FHIT: variants seen among roughly 807,000 people sequenced by gnomAD.
The protein encoded by FHIT is fragile histidine triad diadenosine triphosphatase.
Under a neutral mutation model 17.9 loss-of-function variants are expected in FHIT, and 19 were observed. That is an observed-to-expected ratio of 1.06 (90% CI 0.74 to 1.56). The LOEUF (loss-of-function observed/expected upper bound fraction) is 1.56. FHIT is among the 40% of genes most tolerant of loss of function. The pLI, the probability that FHIT is intolerant of heterozygous loss-of-function variation, is 0.00. For synonymous variants in FHIT, 81 were observed against 69.7 expected (o/e 1.16, Z -0.81); for missense variants, 248 against 189.2 (o/e 1.31, Z -1.82).
chr3:60,053,468 C>T (rs191471226), intron 5 of FHIT, among the ~76,000 whole-genome samples: 1 of 150,930 alleles, frequency 6.6e-6, no homozygotes, highest in East Asian at 1.9e-4. Flanking sequence ...GCTTCCAAGA[C>T]ATGCATTTTG....
intron 7 of FHIT, among the ~76,000 whole-genome samples, chr3:59,952,813 G>A (rs1159443726): frequency 1.3e-5 from 2 of 152,090 alleles, no homozygotes; most frequent in Non-Finnish European, 2.9e-5. Context: ...GTGCAAAAAC[G>A]TCCTTATCCA....
chr3:60,345,276 T>C (rs1291957588), intron 5 of FHIT, among the ~76,000 whole-genome samples: 1 of 152,044 alleles, frequency 6.6e-6, no homozygotes, highest in Admixed American at 6.6e-5. Context: ...TCACAGTGAG[T>C]TCCAACACAG....
At chr3:60,088,553 T>G (rs1209081604) in intron 5 of FHIT, among the ~76,000 whole-genome samples, 2 of 152,186 alleles carry the variant, frequency 1.3e-5, no homozygotes, top group African/African-American at 2.4e-5. Context: ...TCTTGAGTCC[T>G]GACTTCTTCA....
At chr3:60,530,311 G>C (rs1295823105) in intron 5 of FHIT, among the ~76,000 whole-genome samples, 1 of 152,168 alleles carries the variant, frequency 6.6e-6, no homozygotes, top group South Asian at 2.1e-4. Flanking sequence ...AGACCAACAT[G>C]TACATGCCTC....
chr3:60,979,916 C>T (rs1710421588), intron 3 of FHIT, among the ~76,000 whole-genome samples: 1 of 152,198 alleles, frequency 6.6e-6, no homozygotes, highest in African/African-American at 2.4e-5. Context: ...CATGATATTG[C>T]CATGTTGTTG....
chr3:60,695,758 T>C (rs1553700492), intron 4 of FHIT, among the ~76,000 whole-genome samples: 1 of 152,228 alleles, frequency 6.6e-6, no homozygotes, highest in Admixed American at 6.5e-5. Context: ...GCTCTGCCAT[T>C]GACAAGCTGT....
chr3:60,739,795 A>G (rs1256723256), intron 4 of FHIT, among the ~76,000 whole-genome samples: 1 of 152,200 alleles, frequency 6.6e-6, no homozygotes, highest in African/African-American at 2.4e-5. Context: ...ACACCCAGAT[A>G]GTGCCCCCTA....
At chr3:60,174,868 A>G (rs1701597018) in intron 5 of FHIT, among the ~76,000 whole-genome samples, 1 of 152,112 alleles carries the variant, frequency 6.6e-6, no homozygotes, top group Non-Finnish European at 1.5e-5. Context: ...TTCTGTCTCT[A>G]TGGATTTACT....
intron 3 of FHIT, among the ~76,000 whole-genome samples, chr3:60,858,468 C>T (rs1703476288): frequency 6.6e-6 from 1 of 152,078 alleles, no homozygotes; most frequent in African/African-American, 2.4e-5. Flanking sequence ...TTCCAGGAAA[C>T]CGCTGCACTT....
chr3:60,575,355 T>C (rs1173534297), intron 4 of FHIT, among the ~76,000 whole-genome samples: 7 of 152,112 alleles, frequency 4.6e-5, no homozygotes, highest in African/African-American at 1.4e-4. Context: ...TGGAAGACTT[T>C]TAGTATCAAA....
intron 8 of FHIT, among the ~76,000 whole-genome samples, chr3:59,762,931 G>C (rs1400950545): frequency 6.6e-6 from 1 of 152,210 alleles, no homozygotes; most frequent in Non-Finnish European, 1.5e-5. Flanking sequence ...ACTGAGAAAT[G>C]AAATGAAACT....
intron 7 of FHIT, among the ~76,000 whole-genome samples, chr3:59,974,568 A>T (rs1708328266): frequency 1.3e-5 from 2 of 152,106 alleles, no homozygotes; most frequent in African/African-American, 4.8e-5. Context: ...ATACTGTGAC[A>T]TTTAAGTGGC....
chr3:60,250,104 G>A (rs1045989837), intron 5 of FHIT, among the ~76,000 whole-genome samples: 1 of 151,792 alleles, frequency 6.6e-6, no homozygotes, highest in African/African-American at 2.4e-5. Flanking sequence ...AACCATATCA[G>A]AGAAAAACGT....
At chr3:60,054,000 T>C (rs1701985992) in intron 5 of FHIT, among the ~76,000 whole-genome samples, 1 of 152,192 alleles carries the variant, frequency 6.6e-6, no homozygotes, top group Non-Finnish European at 1.5e-5. Context: ...TTCTTCCAAG[T>C]GATTACTCTG....
At chr3:59,815,020 T>C (rs1247185861) in intron 8 of FHIT, among the ~76,000 whole-genome samples, 1 of 152,246 alleles carries the variant, frequency 6.6e-6, no homozygotes, top group Non-Finnish European at 1.5e-5. Context: ...ACACTTACCA[T>C]GTGTGAATAT....
chr3:60,496,344 A>G (rs1295440556), intron 5 of FHIT, among the ~76,000 whole-genome samples: 1 of 152,140 alleles, frequency 6.6e-6, no homozygotes, highest in Non-Finnish European at 1.5e-5. Flanking sequence ...ATTGGCAAAG[A>G]ATACACACAA....
At chr3:59,938,596 AGAT>A (rs1176236974) in intron 7 of FHIT, among the ~76,000 whole-genome samples, 1 of 152,140 alleles carries the variant, frequency 6.6e-6, no homozygotes, top group Non-Finnish European at 1.5e-5. Flanking sequence ...TAACTATGTG[AGAT>A]GATGAATATG....
intron 4 of FHIT, among the ~76,000 whole-genome samples, chr3:60,723,354 C>G (rs1553708595): frequency 6.6e-6 from 1 of 151,702 alleles, no homozygotes; most frequent in Non-Finnish European, 1.5e-5. Context: ...AGCTGGTAAA[C>G]AGTTCCCTAC....
In FHIT at chr3:59,986,164, A is replaced by G. The variant is rs560366814; in HGVS notation, c.279+25207T>C. On this transcript the variant is annotated intron_variant, in intron 7 of 9. Coordinates refer to ENST00000492590, the MANE Select transcript of FHIT (RefSeq NM_002012.4). ...TGCTCACCCTGAAACTGTAGCAGCT[A>G]ACTTTCTTGGGAAAACTCAGACAGA... 2.6e-5 allele frequency among the ~76,000 whole-genome samples: 4 copies of G among 152,112 alleles called. No homozygotes were observed. In the South Asian group the frequency reaches 8.3e-4, roughly 32 times the overall value.
Sources: gnomAD v4.1 joint callset for allele counts (sites outside exome capture counted in the v4.1 genomes callset) on GRCh38, gnomAD v4.1.1 for gene constraint, MANE v1.5 for transcripts, NCBI Gene and HGNC (gene_info 2026-07-23, HGNC 2026-07-21) for gene names.